C10orf90: variants seen among roughly 807,000 people sequenced by gnomAD.
C10orf90 encodes (E2-independent) E3 ubiquitin-conjugating enzyme FATS.
Under a neutral mutation model 62.5 loss-of-function variants are expected in C10orf90, and 56 were observed. The observed-to-expected ratio is 0.90, with a 90% CI of 0.72 to 1.12. C10orf90 has a LOEUF of 1.12. C10orf90 is among the 50% of genes most tolerant of loss of function. C10orf90 has a pLI of 0.00. For missense variants in C10orf90, 970 were observed against 880.4 expected, an observed-to-expected ratio of 1.10 and a Z score of -1.29; for synonymous variants, 386 against 340.4, an observed-to-expected ratio of 1.13 and a Z score of -1.47.
At chr10:126,597,721 T>C (rs773286707) in intron 2 of C10orf90, among the ~76,000 whole-genome samples, 1 of 152,194 alleles carries the variant, frequency 6.6e-6, no homozygotes, top group African/African-American at 2.4e-5. Flanking sequence ...AAAAATTTAA[T>C]GAATGACTAG....
chr10:126,582,175 C>A (rs1393561619), intron 2 of C10orf90, among the ~76,000 whole-genome samples: 1 of 152,194 alleles, frequency 6.6e-6, no homozygotes, highest in Non-Finnish European at 1.5e-5. Flanking sequence ...AATAAGTCCC[C>A]CAAACTAACA....
At chr10:126,438,907 C>T (rs1269510872) in intron 7 of C10orf90, among the ~76,000 whole-genome samples, 1 of 151,734 alleles carries the variant, frequency 6.6e-6, no homozygotes, top group Non-Finnish European at 1.5e-5. Context: ...GAGTTGTGTT[C>T]CCTCCATATG....
At chr10:126,611,454 TTTG>T (rs138826589) in intron 2 of C10orf90, among the ~76,000 whole-genome samples, 30,633 of 152,040 alleles carry the variant, frequency 0.2, 3,165 homozygotes, top group South Asian at 0.34. Context: ...AATGCTGCTA[TTTG>T]GAACATTTGT....
chr10:126,500,920 C>T (rs1862343401), intron 4 of C10orf90, among the ~76,000 whole-genome samples: 1 of 152,142 alleles, frequency 6.6e-6, no homozygotes, highest in Admixed American at 6.5e-5. Flanking sequence ...TGTAGAATTG[C>T]CCAGGCTGTA....
rs1845072493 is a variant in C10orf90, at chr10:126,595,794, G to A, written c.313+50771C>T. ...TGGAGGAGCCCTGACTGGGATTGAG[G>A]AGCAGCTGGGGTCCACATCTCTAGC... On this transcript the variant is annotated intron_variant, in intron 2 of 9. Transcript: ENST00000488181. 3.3e-5 allele frequency among the ~76,000 whole-genome samples: 5 copies of A among 152,084 alleles called. No homozygotes were observed. The South Asian group carries it at 1.0e-3, about 32-fold the overall frequency.
chr10:126,496,540 T>G (rs1212277837), intron 4 of C10orf90: 8 of 427,970 alleles, frequency 1.9e-5, no homozygotes, highest in Non-Finnish European at 2.2e-5. Context: ...CAATACTTGA[T>G]TATTCTTACC....
chr10:126,538,102 A>C (rs1474545610), intron 2 of C10orf90, among the ~76,000 whole-genome samples: 1 of 152,266 alleles, frequency 6.6e-6, no homozygotes, highest in African/African-American at 2.4e-5. Flanking sequence ...TCCCAGTTCC[A>C]CATGGCTGGG....
intron 3 of C10orf90, among the ~76,000 whole-genome samples, chr10:126,507,922 G>C (rs1400353039): frequency 6.6e-6 from 1 of 151,792 alleles, no homozygotes; most frequent in African/African-American, 2.4e-5. Flanking sequence ...TATTTCACTT[G>C]GTACACATTC....
chr10:126,560,017 C>T (rs998774317), intron 2 of C10orf90, among the ~76,000 whole-genome samples: 22 of 152,246 alleles, frequency 1.4e-4, no homozygotes, highest in African/African-American at 5.1e-4. Context: ...CTTTCCTTTC[C>T]TCTCATAAGA....
intron 2 of C10orf90, among the ~76,000 whole-genome samples, chr10:126,548,724 A>C (rs1864562049): frequency 1.3e-5 from 2 of 149,728 alleles, no homozygotes; most frequent in South Asian, 2.1e-4. Context: ...ATTCTACGGG[A>C]TTGCAAAATT....
intron 2 of C10orf90, among the ~76,000 whole-genome samples, chr10:126,527,527 T>C (rs1863982985): frequency 6.6e-6 from 1 of 152,256 alleles, no homozygotes; most frequent in Non-Finnish European, 1.5e-5. Context: ...CTCGTATCTC[T>C]GCACCTTCAA....
At chr10:126,594,857 G>C (rs560052839) in intron 2 of C10orf90, among the ~76,000 whole-genome samples, 1 of 152,240 alleles carries the variant, frequency 6.6e-6, no homozygotes, top group South Asian at 2.1e-4. Flanking sequence ...GGTGAAAAAA[G>C]AAGGGCACTA....
At chr10:126,596,163 C>A (rs1845081600) in intron 2 of C10orf90, among the ~76,000 whole-genome samples, 1 of 147,554 alleles carries the variant, frequency 6.8e-6, no homozygotes, top group Non-Finnish European at 1.5e-5. Flanking sequence ...AAAAGCCAGG[C>A]ATGGTAGCAC....
At chr10:126,610,180 T>A (rs911227199) in intron 2 of C10orf90, among the ~76,000 whole-genome samples, 5 of 152,198 alleles carry the variant, frequency 3.3e-5, no homozygotes, top group Non-Finnish European at 7.4e-5. Flanking sequence ...CCCTGGCCTC[T>A]GGCTTCTAGG....
At chr10:126,524,558 G>A in intron 2 of C10orf90, 10 of 887,102 alleles carry the variant, frequency 1.1e-5, no homozygotes, top group Non-Finnish European at 1.4e-5. Context: ...ACTGGGAGAA[G>A]CTGAAAGATG....
At chr10:126,642,288 T>C (rs1846074809) in intron 2 of C10orf90, among the ~76,000 whole-genome samples, 1 of 152,144 alleles carries the variant, frequency 6.6e-6, no homozygotes, top group Admixed American at 6.5e-5. Flanking sequence ...ATCCCAGCAC[T>C]TTGGGAGGCC....
At chr10:126,635,360 G>A (rs971042623) in intron 2 of C10orf90, among the ~76,000 whole-genome samples, 2 of 152,158 alleles carry the variant, frequency 1.3e-5, no homozygotes, top group Admixed American at 6.5e-5. Context: ...GGCATGGGGG[G>A]TGCGGGGAGA....
chr10:126,557,639 T>C (rs753267003), intron 2 of C10orf90, among the ~76,000 whole-genome samples: 1 of 152,174 alleles, frequency 6.6e-6, no homozygotes, highest in Non-Finnish European at 1.5e-5. Context: ...ATTTTGCATG[T>C]TGCAAAACGT....
chr10:126,598,485 A>T (rs548333500), intron 2 of C10orf90, among the ~76,000 whole-genome samples: 78 of 152,282 alleles, frequency 5.1e-4, no homozygotes, highest in African/African-American at 1.8e-3. Flanking sequence ...TCTGGAACAA[A>T]ATCTGCCTTG....
Sources: allele counts gnomAD v4.1 joint callset (sites outside exome capture counted in the v4.1 genomes callset), GRCh38; gene constraint gnomAD v4.1.1; transcripts MANE v1.5; gene names NCBI Gene and HGNC (gene_info 2026-07-23, HGNC 2026-07-21).